The following EYS variants were observed in gnomAD, a reference collection of about 807,000 sequenced individuals.
EYS encodes EGF-like photoreceptor maintenance factor.
Under a neutral mutation model 282.1 loss-of-function variants are expected in EYS, and 250 were observed. That is an observed-to-expected ratio of 0.89 (90% CI 0.80 to 0.98). The LOEUF (loss-of-function observed/expected upper bound fraction) is 0.98, where lower values mean the gene tolerates loss of function less well. Ranked by LOEUF, EYS falls within the 50% of genes least tolerant of loss-of-function variation. The pLI is 0.00. For synonymous variants in EYS, 1,355 were observed against 1,282.9 expected, an observed-to-expected ratio of 1.06 and a Z score of -1.20; for missense variants, 4,016 against 3,709.0, an observed-to-expected ratio of 1.08 and a Z score of -2.15.
In EYS at chr6:64,305,940, A is replaced by G. The variant is rs1355062888; in HGVS notation, c.6191+1030T>C. On this transcript the variant is annotated intron_variant, in intron 30 of 42. Coordinates refer to ENST00000503581, the MANE Select transcript of EYS (RefSeq NM_001142800.2). ...CAAAATATATTAACAGAGTATAAAG[A>G]CAACTCAGAATGGAAGAAAAGACTT... is the stretch of plus-strand genomic sequence containing the variant. Among the ~76,000 whole-genome samples, 3 of 152,194 alleles carry G rather than the reference A, an allele frequency of 2.0e-5. No individual in the cohort carries two copies. The East Asian group carries it at 5.8e-4, about 29-fold the overall frequency.
intron 35 of EYS, among the ~76,000 whole-genome samples, chr6:63,902,994 A>G (rs748517800): frequency 6.6e-6 from 1 of 152,212 alleles, no homozygotes; most frequent in Non-Finnish European, 1.5e-5. Flanking sequence ...GTCACCTAGG[A>G]GAAGGAAAGA....
At chr6:65,430,781 C>T (rs187420416) in intron 5 of EYS, among the ~76,000 whole-genome samples, 2 of 152,272 alleles carry the variant, frequency 1.3e-5, no homozygotes, top group Admixed American at 6.5e-5. Flanking sequence ...CATCCTGGGC[C>T]AGAAAGGAAC....
chr6:64,641,420 C>G (rs1768149393), intron 22 of EYS, among the ~76,000 whole-genome samples: 1 of 152,130 alleles, frequency 6.6e-6, no homozygotes, highest in Non-Finnish European at 1.5e-5. Flanking sequence ...ACAGCCAAAC[C>G]ATATCATGCT....
intron 26 of EYS, among the ~76,000 whole-genome samples, chr6:64,476,875 A>G (rs1776287281): frequency 6.6e-6 from 1 of 152,158 alleles, no homozygotes; most frequent in Admixed American, 6.5e-5. Context: ...TCAGTTTCTC[A>G]TCGACTTGAT....
intron 30 of EYS, among the ~76,000 whole-genome samples, chr6:64,242,458 G>A (rs948290424): frequency 6.6e-6 from 1 of 151,770 alleles, no homozygotes; most frequent in African/African-American, 2.4e-5. Flanking sequence ...TGTTGTTGTT[G>A]TAAAATACCC....
At chr6:63,824,328 G>A (rs753982029) in intron 36 of EYS, among the ~76,000 whole-genome samples, 4 of 152,100 alleles carry the variant, frequency 2.6e-5, no homozygotes, top group Non-Finnish European at 5.9e-5. Context: ...TCCAGCATAA[G>A]ACACAAATAT....
At chr6:65,395,076 G>A (rs1420045871) in intron 7 of EYS, among the ~76,000 whole-genome samples, 1 of 152,116 alleles carries the variant, frequency 6.6e-6, no homozygotes, top group African/African-American at 2.4e-5. Flanking sequence ...TTGTCTGTCT[G>A]TTTTGAGACA....
intron 5 of EYS, among the ~76,000 whole-genome samples, chr6:65,449,528 T>C (rs1445750782): frequency 2.6e-5 from 4 of 152,064 alleles, no homozygotes; most frequent in Non-Finnish European, 4.4e-5. Context: ...GTATACATTG[T>C]TGCCTATAAT....
At chr6:64,234,554 TATA>T (rs548920103) in intron 30 of EYS, among the ~76,000 whole-genome samples, 17 of 152,308 alleles carry the variant, frequency 1.1e-4, no homozygotes, top group Non-Finnish European at 2.2e-4. Context: ...TACATTGAGA[TATA>T]ATTTGCATAC....
At chr6:63,909,168 T>C (rs528635619) in intron 35 of EYS, among the ~76,000 whole-genome samples, 2 of 152,326 alleles carry the variant, frequency 1.3e-5, no homozygotes, top group African/African-American at 2.4e-5. Flanking sequence ...ATGCCCTCTA[T>C]GTGGCCTTCT....
intron 19 of EYS, among the ~76,000 whole-genome samples, chr6:64,837,953 T>C (rs1397686191): frequency 1.3e-5 from 2 of 151,636 alleles, no homozygotes; most frequent in Non-Finnish European, 1.5e-5. Flanking sequence ...CTTCACCACC[T>C]TGCAATATAT....
At chr6:64,505,495 C>T (rs574973893) in intron 26 of EYS, among the ~76,000 whole-genome samples, 85 of 152,300 alleles carry the variant, frequency 5.6e-4, no homozygotes, top group African/African-American at 1.9e-3. Flanking sequence ...CCGGCTCACC[C>T]TCAATGATGC....
chr6:65,107,619 A>G (rs980605318), intron 12 of EYS, among the ~76,000 whole-genome samples: 26 of 151,792 alleles, frequency 1.7e-4, no homozygotes, highest in Admixed American at 5.3e-4. Context: ...GTGGTTTTAC[A>G]GAACAACTAC....
chr6:63,735,863 A>C (rs1435901896), intron 41 of EYS, among the ~76,000 whole-genome samples: 1 of 152,090 alleles, frequency 6.6e-6, no homozygotes, highest in Non-Finnish European at 1.5e-5. Flanking sequence ...ACAGTTTTTA[A>C]GAGGCTTTAC....
chr6:64,483,912 A>C (rs1776508883), intron 26 of EYS, among the ~76,000 whole-genome samples: 3 of 151,710 alleles, frequency 2.0e-5, no homozygotes, highest in Non-Finnish European at 4.4e-5. Flanking sequence ...ACACATAGAC[A>C]TAGATTACAA....
chr6:65,023,253 T>C, intron 13 of EYS, among the ~76,000 whole-genome samples: 1 of 152,160 alleles, frequency 6.6e-6, no homozygotes, highest in African/African-American at 2.4e-5. Flanking sequence ...CGGTCACTGT[T>C]AAATCTTGGT....
intron 41 of EYS, among the ~76,000 whole-genome samples, chr6:63,734,040 T>G (rs975679401): frequency 2.6e-5 from 4 of 152,092 alleles, no homozygotes; most frequent in Non-Finnish European, 5.9e-5. Flanking sequence ...AACCAAATAC[T>G]GTGTGTTCTC....
At chr6:64,944,710 T>C (rs1318298570) in intron 15 of EYS, among the ~76,000 whole-genome samples, 1 of 152,052 alleles carries the variant, frequency 6.6e-6, no homozygotes, top group Non-Finnish European at 1.5e-5. Context: ...GGAAGGCCAC[T>C]GTCTCCTGCC....
chr6:65,103,109 C>A (rs1277950120), intron 12 of EYS, among the ~76,000 whole-genome samples: 1 of 151,372 alleles, frequency 6.6e-6, no homozygotes, highest in Non-Finnish European at 1.5e-5. Context: ...GGCCTCTCAT[C>A]CTAGCTGACT....
Sources: allele counts gnomAD v4.1 joint callset (sites outside exome capture counted in the v4.1 genomes callset), GRCh38; gene constraint gnomAD v4.1.1; transcripts MANE v1.5; gene names NCBI Gene and HGNC (gene_info 2026-07-23, HGNC 2026-07-21).